Variants in IL19 observed in about 807,000 individuals in gnomAD.
The protein encoded by IL19 is interleukin-19.
IL19 carries 15 observed loss-of-function variants against 19.5 expected under a neutral mutation model. The observed-to-expected ratio is 0.77, with a 90% CI of 0.52 to 1.19. The LOEUF (loss-of-function observed/expected upper bound fraction) is 1.19. Among genes scored for constraint, IL19 ranks in the 50% most tolerant of loss-of-function variants. The probability of loss-of-function intolerance (pLI) is 0.00; values close to 1 mark genes in which losing one functional copy is unlikely to be tolerated. For missense variants in IL19, 199 were observed against 213.1 expected (o/e 0.93, Z 0.41); for synonymous variants, 78 against 78.3 (o/e 1.00, Z 0.02).
chr1:206,820,733 G>A (rs1160123483), intron 2 of IL19, among the ~76,000 whole-genome samples: 1 of 152,208 alleles, frequency 6.6e-6, no homozygotes, highest in African/African-American at 2.4e-5. Context: ...GAACAGCTGT[G>A]GACTGGCACA....
intron 1 of IL19, among the ~76,000 whole-genome samples, chr1:206,782,706 A>G (rs1403461779): frequency 6.6e-6 from 1 of 152,054 alleles, no homozygotes; most frequent in East Asian, 1.9e-4. Context: ...TTTGCCAGTG[A>G]CCTGTCATTA....
chr1:206,842,465 G>A, intron 6 of IL19, 62 bp from the exon 7 acceptor site: 2 of 1,004,816 alleles, frequency 2.0e-6, no homozygotes. Context: ...TATGAAGAAA[G>A]TGACTTGAAA....
intron 1 of IL19, among the ~76,000 whole-genome samples, chr1:206,787,498 C>A (rs1048820680): frequency 6.6e-6 from 1 of 152,200 alleles, no homozygotes; most frequent in Non-Finnish European, 1.5e-5. Flanking sequence ...ATATTTTGCT[C>A]ATTTTGACTA....
intron 2 of IL19, among the ~76,000 whole-genome samples, chr1:206,802,253 T>C (rs1306642292): frequency 2.0e-5 from 3 of 152,184 alleles, no homozygotes; most frequent in African/African-American, 4.8e-5. Context: ...ACATGGCTTA[T>C]TGGGGCCCTA....
At chr1:206,781,673 C>T (rs1028514815) in intron 1 of IL19, among the ~76,000 whole-genome samples, 1 of 150,762 alleles carries the variant, frequency 6.6e-6, no homozygotes, top group Non-Finnish European at 1.5e-5. Context: ...TTACATGTGC[C>T]CCTCTTAGCT....
intron 1 of IL19, among the ~76,000 whole-genome samples, chr1:206,796,844 A>G (rs1045527281): frequency 6.6e-6 from 1 of 152,216 alleles, no homozygotes; most frequent in Non-Finnish European, 1.5e-5. Context: ...TATCACCTTC[A>G]TTAGTCTGGC....
chr1:206,780,608 T>C (rs1675107172), intron 1 of IL19, among the ~76,000 whole-genome samples: 1 of 152,232 alleles, frequency 6.6e-6, no homozygotes, highest in South Asian at 2.1e-4. Context: ...AAATTCTATA[T>C]GGACGTCAGA....
intron 2 of IL19, among the ~76,000 whole-genome samples, chr1:206,804,475 G>A (rs1675793879): frequency 6.6e-6 from 1 of 152,192 alleles, no homozygotes; most frequent in African/African-American, 2.4e-5. Flanking sequence ...TTTAGGTAAT[G>A]AGAAGCTGAA....
intron 2 of IL19, among the ~76,000 whole-genome samples, chr1:206,830,652 C>T (rs993982338): frequency 9.2e-5 from 14 of 152,070 alleles, no homozygotes; most frequent in Non-Finnish European, 1.9e-4. Context: ...GGTCTCGGCT[C>T]ACTGCAAGCT....
chr1:206,825,652 A>C (rs1478468417), intron 2 of IL19, among the ~76,000 whole-genome samples: 1 of 152,174 alleles, frequency 6.6e-6, no homozygotes, highest in Non-Finnish European at 1.5e-5. Flanking sequence ...GCTTCACTGA[A>C]GGGGCACAGA....
At chr1:206,824,911 C>A (rs1025563555) in intron 2 of IL19, among the ~76,000 whole-genome samples, 6 of 152,190 alleles carry the variant, frequency 3.9e-5, no homozygotes, top group African/African-American at 1.2e-4. Context: ...CCCATCACCA[C>A]ACCCTGCTAA....
chr1:206,821,585 A>G (rs1044341400), intron 2 of IL19, among the ~76,000 whole-genome samples: 4 of 152,240 alleles, frequency 2.6e-5, no homozygotes, highest in African/African-American at 9.6e-5. Context: ...CAAGACTAAC[A>G]GAGTCTGCAT....
At chr1:206,799,044 C>A (rs750309448) in intron 2 of IL19, 38 bp downstream of exon 2, 4 of 1,361,874 alleles carry the variant, frequency 2.9e-6, no homozygotes, top group Non-Finnish European at 4.2e-6. Flanking sequence ...GGATGTGGAG[C>A]CATTCTCTGG....
chr1:206,839,833 C>A lies in IL19; in HGVS notation c.211-17C>A. 2 of 1,599,598 alleles carry A rather than the reference C, an allele frequency of 1.3e-6. No individual in the cohort carries two copies. The highest frequency in any genetic ancestry group is 1.7e-6 in the Non-Finnish European group (2 of 1,172,422). ...GAGAGAAGAGGCCTCTAGTGTTTCCCTAATTTGTGTTTGTAGCCCTTAGAT... is the reference window on the plus strand; with the variant it reads ...GAGAGAAGAGGCCTCTAGTGTTTCCATAATTTGTGTTTGTAGCCCTTAGAT... On this transcript the variant is annotated splice_polypyrimidine_tract_variant and intron_variant, in intron 4 of 6. Coordinates refer to ENST00000659997, the MANE Select transcript of IL19 (RefSeq NM_153758.5).
chr1:206,827,211 G>T (rs1676460532), intron 2 of IL19, among the ~76,000 whole-genome samples: 1 of 152,186 alleles, frequency 6.6e-6, no homozygotes, highest in Middle Eastern at 3.4e-3. Flanking sequence ...ATTGACATAG[G>T]AGAAGGAAAC....
In IL19 at chr1:206,836,701, A is replaced by C. The variant is rs752935763; in HGVS notation, c.39A>C (p.Thr13=). 5 of 1,613,644 alleles carry C rather than the reference A, an allele frequency of 3.1e-6. No homozygotes were observed. In the African/African-American group the frequency reaches 4.0e-5, roughly 13 times the overall value. Residue 13 remains threonine (T), a synonymous_variant, in exon 3 of 7, where the codon ACA becomes ACC. Coordinates refer to ENST00000659997, the MANE Select transcript of IL19 (RefSeq NM_153758.5). ...LQCVSLWLLG[T]ILILCSVDNH... is the part of the protein sequence containing the mutation. The stretch of plus-strand genomic sequence containing the variant: ...GTGTTTCCCTTTGGCTCCTGGGTAC[A>C]ATACTGATATTGTGCTCAGTAGACA...
In IL19 at chr1:206,841,451, GC is replaced by G. The variant is rs2243189; in HGVS notation, c.438+380del. ...CACGCCGTCACTGCGATCACTACCT[GC>G]CCCCCCATATTGTGTGTAGTGATGA... On this transcript the variant is annotated intron_variant, in intron 6 of 6. Transcript: ENST00000659997. 3.6e-3 allele frequency among the ~76,000 whole-genome samples: 541 copies of G among 152,262 alleles called. 3 individuals carry two copies. The highest frequency in any genetic ancestry group is 0.012 in the African/African-American group (507 of 41,524).
chr1:206,810,691 G>A (rs1399315621), intron 2 of IL19, among the ~76,000 whole-genome samples: 2 of 152,184 alleles, frequency 1.3e-5, no homozygotes, highest in African/African-American at 4.8e-5. Flanking sequence ...GAGACAAGGG[G>A]ACTGCAAATA....
chr1:206,817,049 G>A (rs1676174667), intron 2 of IL19, among the ~76,000 whole-genome samples: 1 of 152,112 alleles, frequency 6.6e-6, no homozygotes. Flanking sequence ...TTGCTGAAAC[G>A]CTGAAACTCC....
Sources: allele counts gnomAD v4.1 joint callset (sites outside exome capture counted in the v4.1 genomes callset), GRCh38; gene constraint gnomAD v4.1.1; transcripts MANE v1.5; gene names NCBI Gene and HGNC (gene_info 2026-07-23, HGNC 2026-07-21).